The following SMTN variants were observed in gnomAD, a reference collection of about 807,000 sequenced individuals.
The protein encoded by SMTN is smoothelin.
Under a neutral mutation model 102.0 loss-of-function variants are expected in SMTN, and 58 were observed. The ratio of observed to expected loss-of-function variants is 0.57; its 90% CI spans 0.46 to 0.71. The LOEUF (loss-of-function observed/expected upper bound fraction) is 0.71. SMTN is among the 30% of genes least tolerant of loss of function. The probability of loss-of-function intolerance (pLI) is 0.00; values close to 1 mark genes in which losing one functional copy is unlikely to be tolerated. For missense variants in SMTN, 1,185 were observed against 1,241.7 expected (o/e 0.95, Z 0.69); for synonymous variants, 478 against 497.9 (o/e 0.96, Z 0.53).
At chr22:31,094,100 C>T (rs1442657438) in intron 11 of SMTN, among the ~76,000 whole-genome samples, 1 of 152,228 alleles carries the variant, frequency 6.6e-6, no homozygotes, top group East Asian at 1.9e-4. Flanking sequence ...CCCCAGCCCC[C>T]AGCTCCCTGC....
At chr22:31,081,245 C>A (rs1344213710), upstream of SMTN, 2 of 152,186 alleles carry the variant, frequency 1.3e-5, no homozygotes, top group African/African-American at 4.8e-5. Flanking sequence ...GGTACCCAAT[C>A]GAGGGTTGGC....
At chr22:31,069,567 CT>C (rs1478243467) in intron 1 of SMTN, among the ~76,000 whole-genome samples, 1 of 152,162 alleles carries the variant, frequency 6.6e-6, no homozygotes, top group African/African-American at 2.4e-5. Context: ...TGCGGTGGGG[CT>C]TGGTGAACGC....
chr22:31,100,041 G>C (rs891150073), intron 19 of SMTN, 145 bp downstream of exon 19: 1 of 792,428 alleles, frequency 1.3e-6, no homozygotes, highest in African/African-American at 1.8e-5. Flanking sequence ...GAGAGTCCCC[G>C]TCCTTCTCCA....
intron 1 of SMTN, among the ~76,000 whole-genome samples, chr22:31,076,046 G>T (rs1477987242): frequency 6.6e-6 from 1 of 152,174 alleles, no homozygotes; most frequent in Non-Finnish European, 1.5e-5. Flanking sequence ...ATCGAGAAGG[G>T]CGGGTAGGGC....
At chr22:31,073,276 C>T (rs1220966530) in intron 1 of SMTN, among the ~76,000 whole-genome samples, 2 of 152,122 alleles carry the variant, frequency 1.3e-5, no homozygotes, top group African/African-American at 4.8e-5. Context: ...CGCATGCACG[C>T]ATGCACGCCA....
chr22:31,095,935 C>T lies in SMTN; in HGVS notation c.1861+326C>T. On this transcript the variant is annotated intron_variant, in intron 13 of 20. Transcript: ENST00000333137. This position sits in a 1 kb window ranked among gnomAD's most constrained non-coding sequence, Gnocchi z 4.1. ...CTGTCAACGACTCCTTCCCTGAATC[C>T]AGATACTCCTTCTCCCTGCTGCTCC... 2.4e-6 allele frequency: 1 copy of T among 419,726 alleles called. No individual in the cohort carries two copies. The highest frequency in any genetic ancestry group is 4.3e-6 in the Non-Finnish European group (1 of 230,268). The allele number at this position is 419,726 out of a possible 1,614,324, so 26.0% of individuals were successfully genotyped here. A position where few individuals can be genotyped will look rare whatever the true frequency, so the allele number is the denominator to read the frequency against.
At chr22:31,092,332 C>A in intron 11 of SMTN, 1 of 421,522 alleles carries the variant, frequency 2.4e-6, no homozygotes, top group Non-Finnish European at 5.1e-6. Flanking sequence ...CTGCGTCAAC[C>A]TCCCTGTGGG....
At chr22:31,093,548 G>T in intron 11 of SMTN, 2 of 716,926 alleles carry the variant, frequency 2.8e-6, no homozygotes, top group East Asian at 2.6e-5. Flanking sequence ...GAAGCAGGCC[G>T]GGTGGCAGTG....
At position 31,098,781 on chromosome 22, in the gene SMTN, C is replaced by T. The variant is rs2043823086; in HGVS notation, c.2274C>T (p.Thr758=). ...TGAAGGCGCAGAGTCTGCCCAAGAC[C>T]TCAGCCTCCCAGGCGCGCAAGGCCA... ...ELMKAQSLPK[T]SASQARKAMI... is the part of the protein sequence containing the mutation. The change falls in exon 17 of 21, where the codon ACC becomes ACT. Residue 758 remains threonine, a synonymous_variant. Transcript: ENST00000333137. 1 of 1,613,146 alleles carries T rather than the reference C, an allele frequency of 6.2e-7. No homozygotes were observed. Among genetic ancestry groups the T allele is most frequent in the Non-Finnish European group, 8.5e-7 (1 of 1,179,858 alleles).
chr22:31,073,802 C>T (rs2042064544), intron 1 of SMTN, among the ~76,000 whole-genome samples: 1 of 152,214 alleles, frequency 6.6e-6, no homozygotes, highest in South Asian at 2.1e-4. Context: ...CTCAAGATTT[C>T]ATGGATTGGC....
upstream of SMTN, among the ~76,000 whole-genome samples, chr22:31,077,859 A>G (rs935390008): frequency 2.0e-5 from 3 of 152,196 alleles, no homozygotes; most frequent in Non-Finnish European, 4.4e-5. Context: ...CTGGTTTCCC[A>G]GCAGGTCCTC....
At chr22:31,084,285 T>G (rs2042512493) in intron 2 of SMTN, among the ~76,000 whole-genome samples, 1 of 152,190 alleles carries the variant, frequency 6.6e-6, no homozygotes, top group East Asian at 1.9e-4. Flanking sequence ...GGGGGTAAAT[T>G]AAAGATTTAC....
chr22:31,090,919 C>T (rs563291448), intron 9 of SMTN, 40 bp downstream of exon 9: 22 of 1,613,008 alleles, frequency 1.4e-5, no homozygotes, highest in Non-Finnish European at 1.6e-5. Flanking sequence ...CTGTGCAGAC[C>T]CTGTCCCACC....
At chr22:31,064,719 T>A (rs2041802006) in intron 1 of SMTN, 1 of 152,294 alleles carries the variant, frequency 6.6e-6, no homozygotes, top group African/African-American at 2.4e-5. Context: ...ATTTTGGTGT[T>A]TAATTTTGAA....
In SMTN at chr22:31,095,675, T is replaced by C. The variant is rs1274137627; in HGVS notation, c.1861+66T>C. On this transcript the variant is annotated intron_variant, in intron 13 of 20. Coordinates refer to ENST00000333137, the MANE Select transcript of SMTN (RefSeq NM_134269.3). This position sits in a 1 kb window ranked among gnomAD's most constrained non-coding sequence, Gnocchi z 4.1. ...TTCCCCAGCTGCTCCCCTCATACTC[T>C]GGGGTCCATTTGTGGACACCCCAGC... 1 of 1,435,462 alleles carries C rather than the reference T, an allele frequency of 7.0e-7. No homozygotes were observed. The allele number at this position is 1,435,462 out of a possible 1,614,324, so 88.9% of individuals were successfully genotyped here. A position where few individuals can be genotyped will look rare whatever the true frequency, so the allele number is the denominator to read the frequency against.
intron 16 of SMTN, among the ~76,000 whole-genome samples, chr22:31,098,146 A>G (rs1201885866): frequency 6.6e-6 from 1 of 152,200 alleles, no homozygotes. Flanking sequence ...AAAGGGGTCC[A>G]GAGACTCTGA....
At chr22:31,070,660 A>G (rs375555993) in intron 1 of SMTN, among the ~76,000 whole-genome samples, 24 of 152,248 alleles carry the variant, frequency 1.6e-4, no homozygotes, top group African/African-American at 5.5e-4. Context: ...ACGATGGCTC[A>G]TGCCTGTAAT....
intron 19 of SMTN, among the ~76,000 whole-genome samples, chr22:31,100,584 C>T (rs891486470): frequency 1.2e-4 from 19 of 152,174 alleles, no homozygotes; most frequent in South Asian, 6.2e-4. Context: ...CCCGCGTTCC[C>T]GCTTGCCCCT....
At chr22:31,077,822 C>T (rs1382080683), upstream of SMTN, among the ~76,000 whole-genome samples, 2 of 152,256 alleles carry the variant, frequency 1.3e-5, no homozygotes, top group Non-Finnish European at 2.9e-5. Context: ...GGCTGGATGA[C>T]ATCCTGGAGA....
Sources: allele counts gnomAD v4.1 joint callset (sites outside exome capture counted in the v4.1 genomes callset), GRCh38; gene constraint gnomAD v4.1.1; non-coding constraint Gnocchi (gnomAD v3.1); transcripts MANE v1.5; gene names NCBI Gene and HGNC (gene_info 2026-07-23, HGNC 2026-07-21).